PDE4D: variants seen among roughly 807,000 people sequenced by gnomAD.
PDE4D encodes the protein 3',5'-cyclic-AMP phosphodiesterase 4D.
In PDE4D, 24 loss-of-function variants were observed where a neutral mutation model predicts 87.4. The observed-to-expected ratio is 0.27, with a 90% CI of 0.20 to 0.39. PDE4D has a LOEUF of 0.39. Ranked by LOEUF, PDE4D falls within the 10% of genes least tolerant of loss-of-function variation. The pLI is 1.00. For missense variants in PDE4D, 714 were observed against 1,041.0 expected (o/e 0.69, Z 4.32); for synonymous variants, 384 against 383.2 (o/e 1.00, Z -0.02).
intron 11 of PDE4D, among the ~76,000 whole-genome samples, chr5:58,983,662 A>G (rs891524243): frequency 8.5e-5 from 13 of 152,228 alleles, no homozygotes; most frequent in Non-Finnish European, 1.5e-4. Context: ...GGCTCCAAAC[A>G]ACATTCCTAT....
chr5:59,516,692 AT>A (rs775547630), intron 1 of PDE4D, among the ~76,000 whole-genome samples: 19 of 152,206 alleles, frequency 1.2e-4, no homozygotes, highest in Non-Finnish European at 2.5e-4. Context: ...TCTGGAAGAA[AT>A]TTGAGGAAGG....
intron 4 of PDE4D, among the ~76,000 whole-genome samples, chr5:59,182,493 T>G (rs1741904774): frequency 6.6e-6 from 1 of 152,068 alleles, no homozygotes; most frequent in Admixed American, 6.6e-5. Flanking sequence ...TGTTACCTTC[T>G]GGCTAAGAGT....
At chr5:60,342,859 C>T (rs952280977) in intron 1 of PDE4D, among the ~76,000 whole-genome samples, 5 of 152,192 alleles carry the variant, frequency 3.3e-5, no homozygotes, top group Admixed American at 1.3e-4. Flanking sequence ...GGCAAAGCCT[C>T]GTGACTTATC....
At chr5:60,519,007 C>T (rs1189930838) in intron 1 of PDE4D, among the ~76,000 whole-genome samples, 1 of 152,136 alleles carries the variant, frequency 6.6e-6, no homozygotes, top group African/African-American at 2.4e-5. Context: ...ACGGGGCTAA[C>T]GTCAACCAAC....
At chr5:59,073,514 G>GC (rs1765202301) in intron 5 of PDE4D, among the ~76,000 whole-genome samples, 1 of 135,330 alleles carries the variant, frequency 7.4e-6, no homozygotes, top group Non-Finnish European at 1.6e-5. Flanking sequence ...GGGCGGGGGG[G>GC]GCGGGTGGTT....
chr5:59,768,754 G>C lies in PDE4D; in HGVS notation c.455+124414C>G. On this transcript the variant is annotated intron_variant, in intron 1 of 14. Transcript: ENST00000340635. ...CCTGCCAAAGATCACTGACAAGCTC[G>C]CATAGCAAATGAACAAGGAGGGAAA... 4 of 888,362 alleles carry C rather than the reference G, an allele frequency of 4.5e-6. 1 individual carries two copies. The South Asian group carries it at 7.8e-5, about 17-fold the overall frequency. 55.0% of individuals were successfully genotyped at this position (888,362 alleles called of 1,614,324 possible).
chr5:60,277,058 ATG>A (rs888850493), intron 1 of PDE4D, among the ~76,000 whole-genome samples: 1 of 151,598 alleles, frequency 6.6e-6, no homozygotes, highest in African/African-American at 2.4e-5. Flanking sequence ...CCTTTACATC[ATG>A]TGCCTTTATT....
At chr5:60,125,069 T>A (rs1779010217) in intron 2 of PDE4D, among the ~76,000 whole-genome samples, 1 of 152,158 alleles carries the variant, frequency 6.6e-6, no homozygotes, top group African/African-American at 2.4e-5. Flanking sequence ...GCTTTTCCTA[T>A]TTATCTATGG....
intron 1 of PDE4D, among the ~76,000 whole-genome samples, chr5:59,257,732 C>T (rs1761244508): frequency 6.6e-6 from 1 of 151,982 alleles, no homozygotes; most frequent in African/African-American, 2.4e-5. Context: ...AATAAAAATG[C>T]TCTTGTAGTT....
chr5:59,956,745 T>G (rs2152807691), intron 3 of PDE4D, among the ~76,000 whole-genome samples: 1 of 152,326 alleles, frequency 6.6e-6, no homozygotes, highest in Non-Finnish European at 1.5e-5. Context: ...TTACAAATGT[T>G]TTCAGTAGAT....
At chr5:60,145,254 A>G (rs1204157026) in intron 2 of PDE4D, among the ~76,000 whole-genome samples, 1 of 152,212 alleles carries the variant, frequency 6.6e-6, no homozygotes, top group East Asian at 1.9e-4. Context: ...TGCCAGAGTG[A>G]CAAGAGGGTC....
chr5:59,770,558 G>A (rs1373579376), intron 1 of PDE4D, among the ~76,000 whole-genome samples: 1 of 152,016 alleles, frequency 6.6e-6, no homozygotes, highest in Non-Finnish European at 1.5e-5. Flanking sequence ...AATTAAAAAT[G>A]TATTTGTACA....
At chr5:60,099,475 T>A (rs984902309) in intron 2 of PDE4D, among the ~76,000 whole-genome samples, 7 of 151,702 alleles carry the variant, frequency 4.6e-5, no homozygotes, top group African/African-American at 1.7e-4. Context: ...ATGATAAATG[T>A]CAAGGAAGGA....
intron 1 of PDE4D, among the ~76,000 whole-genome samples, chr5:59,642,562 C>T (rs1421781935): frequency 1.3e-5 from 2 of 152,108 alleles, no homozygotes; most frequent in East Asian, 1.9e-4. Flanking sequence ...CAGGGGTTTC[C>T]ACTTTTGCAT....
At chr5:59,496,712 C>A (rs1363906520) in intron 1 of PDE4D, among the ~76,000 whole-genome samples, 1 of 152,136 alleles carries the variant, frequency 6.6e-6, no homozygotes, top group Non-Finnish European at 1.5e-5. Flanking sequence ...CTGAAGGGGG[C>A]GCCACCAAAG....
intron 1 of PDE4D, among the ~76,000 whole-genome samples, chr5:60,226,753 T>G (rs1216027549): frequency 6.6e-6 from 1 of 151,914 alleles, no homozygotes; most frequent in Admixed American, 6.6e-5. Flanking sequence ...TTCCCCAAAC[T>G]CTTTGTCATC....
chr5:59,123,546 G>A (rs1235439641), intron 5 of PDE4D, among the ~76,000 whole-genome samples: 1 of 151,994 alleles, frequency 6.6e-6, no homozygotes, highest in African/African-American at 2.4e-5. Context: ...TTTAATACCT[G>A]TGACCCCTCC....
chr5:59,413,966 G>T (rs1281257617), intron 1 of PDE4D, among the ~76,000 whole-genome samples: 2 of 152,080 alleles, frequency 1.3e-5, no homozygotes, highest in Non-Finnish European at 2.9e-5. Context: ...GTGCATATCT[G>T]CTCAGAATTC....
At chr5:59,584,129 C>T (rs1824698389) in intron 1 of PDE4D, among the ~76,000 whole-genome samples, 1 of 152,156 alleles carries the variant, frequency 6.6e-6, no homozygotes, top group Admixed American at 6.5e-5. Flanking sequence ...AGCCTGAAAT[C>T]TCACCCTATA....
Sources: allele counts gnomAD v4.1 joint callset (sites outside exome capture counted in the v4.1 genomes callset), GRCh38; gene constraint gnomAD v4.1.1; transcripts MANE v1.5; gene names NCBI Gene and HGNC (gene_info 2026-07-23, HGNC 2026-07-21).